Variants in PILRB observed in about 807,000 individuals in gnomAD.
The protein encoded by PILRB is paired immunoglobulin-like type 2 receptor beta.
In PILRB, 21 loss-of-function variants were observed where a neutral mutation model predicts 20.5. The ratio of observed to expected loss-of-function variants is 1.02; its 90% CI spans 0.72 to 1.47. PILRB has a LOEUF of 1.47. Among genes scored for constraint, PILRB ranks in the 40% most tolerant of loss-of-function variants. The pLI is 0.00. For missense variants in PILRB, 253 were observed against 272.1 expected (o/e 0.93, Z 0.49); for synonymous variants, 133 against 115.1 (o/e 1.16, Z -0.99).
intron 1 of PILRB, 119 bp downstream of exon 1, chr7:100,358,485 G>A (rs554864325): frequency 4.6e-6 from 6 of 1,318,034 alleles, no homozygotes; most frequent in East Asian, 4.8e-5. Flanking sequence ...AAACAAGGGC[G>A]GGTCCCATAG....
chr7:100,367,054 C>T (rs79358371), intron 3 of PILRB, among the ~76,000 whole-genome samples: 2,196 of 152,106 alleles, frequency 0.014, 50 homozygotes, highest in African/African-American at 0.05. Context: ...ACTGCTATCA[C>T]CTGGATGCCA....
In PILRB at chr7:100,359,005, T is replaced by G. The variant is rs1290775983; in HGVS notation, c.380T>G (p.Val127Gly). Reference protein sequence around the residue: ...KEDQSVYFCRVELDTRRSGRQ... With the variant: ...KEDQSVYFCRGELDTRRSGRQ... ...GACCAGTCTGTGTATTTCTGCCGAGTCGAGCTGGACACCCGGAGATCAGGG... is the reference window on the plus strand; with the variant it reads ...GACCAGTCTGTGTATTTCTGCCGAGGCGAGCTGGACACCCGGAGATCAGGG... Residue 127 changes from valine to glycine, a missense_variant, in exon 2 of 4, where the codon GTC becomes GGC. By Grantham distance (109) the Val-to-Gly change is moderately radical. Transcript: ENST00000609309. 6.2e-7 allele frequency: 1 copy of G among 1,613,826 alleles called. No individual in the cohort carries two copies. The highest frequency in any genetic ancestry group is 1.3e-5 in the African/African-American group (1 of 74,824).
In PILRB at chr7:100,367,720, T is replaced by A. The variant is rs1222050572; in HGVS notation, c.*343T>A. On this transcript the variant is annotated 3_prime_UTR_variant, in exon 4 of 4. Coordinates refer to ENST00000609309, the MANE Select transcript of PILRB (RefSeq NM_178238.4). Reference sequence around the variant, plus strand: ...CCCAAGGATGGAAAAATACAATTTATTTTGCTTACCATACACCCCTTTTCT... The same window carrying A: ...CCCAAGGATGGAAAAATACAATTTAATTTGCTTACCATACACCCCTTTTCT... 1.0e-5 allele frequency: 3 copies of A among 288,236 alleles called. No homozygotes were observed. Among genetic ancestry groups the A allele is most frequent in the Non-Finnish European group, 2.0e-5 (3 of 152,714 alleles). The allele number at this position is 288,236 out of a possible 1,614,324, so 17.9% of individuals were successfully genotyped here.
chr7:100,365,054 C>T (rs1790637351), intron 3 of PILRB, among the ~76,000 whole-genome samples: 1 of 152,156 alleles, frequency 6.6e-6, no homozygotes, highest in East Asian at 1.9e-4. Context: ...GGCTGGAGTG[C>T]AGCAGTGCAA....
rs1050644759 is a variant in PILRB, at chr7:100,367,750, G to A, written c.*373G>A. 6 of 212,302 alleles carry A rather than the reference G, an allele frequency of 2.8e-5. No homozygotes were observed. Among genetic ancestry groups the A allele is most frequent in the South Asian group, 9.3e-5 (1 of 10,770 alleles). 13.2% of individuals were successfully genotyped at this position (212,302 alleles called of 1,614,324 possible). On this transcript the variant is annotated 3_prime_UTR_variant, in exon 4 of 4. Transcript: ENST00000609309. The stretch of plus-strand genomic sequence containing the variant: ...CTTACCATACACCCCTTTTCTCCTC[G>A]TCCACATTTTCCAATCTGTATGGTG...
chr7:100,358,248 T>C lies in PILRB; in HGVS notation c.-55T>C. 6.2e-7 allele frequency: 1 copy of C among 1,605,316 alleles called. No individual in the cohort carries two copies. Among genetic ancestry groups the C allele is most frequent in the Non-Finnish European group, 8.5e-7 (1 of 1,176,380 alleles). ...TCAGGCAGCCCCTCCACAGGGCCCC[T>C]CTCCTGCCTGGACAGCTCTGCTGGT... On this transcript the variant is annotated 5_prime_UTR_variant, in exon 1 of 4. Coordinates refer to ENST00000609309, the MANE Select transcript of PILRB (RefSeq NM_178238.4).
rs1790731697 is a variant in PILRB, at chr7:100,367,512, G to A, written c.*135G>A. ...ACCCTGAGGACCTTTAAAAGGCAAAGCCGCAAGGCAGAAGGAGGCTGGGTC... is the reference window on the plus strand; with the variant it reads ...ACCCTGAGGACCTTTAAAAGGCAAAACCGCAAGGCAGAAGGAGGCTGGGTC... On this transcript the variant is annotated 3_prime_UTR_variant, in exon 4 of 4. Coordinates refer to ENST00000609309, the MANE Select transcript of PILRB (RefSeq NM_178238.4). 5.8e-6 allele frequency: 4 copies of A among 688,048 alleles called. No individual in the cohort carries two copies. The highest frequency in any genetic ancestry group is 1.1e-5 in the Non-Finnish European group (4 of 367,610). 42.6% of individuals were successfully genotyped at this position (688,048 alleles called of 1,614,324 possible).
At chr7:100,362,237 G>T (rs2130109709) in intron 3 of PILRB, among the ~76,000 whole-genome samples, 1 of 152,238 alleles carries the variant, frequency 6.6e-6, no homozygotes, top group Admixed American at 6.5e-5. Flanking sequence ...CTAAAAGCCA[G>T]ATAAAGACCC....
chr7:100,363,736 G>A (rs1231662426), intron 3 of PILRB, among the ~76,000 whole-genome samples: 2 of 152,146 alleles, frequency 1.3e-5, no homozygotes, highest in African/African-American at 4.8e-5. Context: ...CTTTAGAAAC[G>A]TGAACAGAGA....
intron 3 of PILRB, among the ~76,000 whole-genome samples, chr7:100,366,345 A>C (rs1790684859): frequency 6.6e-6 from 1 of 152,128 alleles, no homozygotes; most frequent in Non-Finnish European, 1.5e-5. Flanking sequence ...ATTAAAAAAC[A>C]AAAAACCTGT....
chr7:100,363,032 A>G (rs1301796328), intron 3 of PILRB, among the ~76,000 whole-genome samples: 1 of 151,034 alleles, frequency 6.6e-6, no homozygotes, highest in Non-Finnish European at 1.5e-5. Context: ...AGTGGCTCAC[A>G]CCTGTAATCC....
chr7:100,363,906 C>T (rs531809073), intron 3 of PILRB, among the ~76,000 whole-genome samples: 6 of 152,008 alleles, frequency 3.9e-5, no homozygotes, highest in Non-Finnish European at 7.4e-5. Context: ...ATTAGGAGTT[C>T]GAGACCAGCC....
At chr7:100,365,302 A>C (rs1400804058) in intron 3 of PILRB, among the ~76,000 whole-genome samples, 1 of 152,126 alleles carries the variant, frequency 6.6e-6, no homozygotes, top group East Asian at 1.9e-4. Flanking sequence ...GCTTGGCCTC[A>C]ACCTTTAAAG....
chr7:100,358,509 C>A, intron 1 of PILRB, 143 bp downstream of exon 1: 1 of 1,256,400 alleles, frequency 8.0e-7, no homozygotes, highest in Non-Finnish European at 1.1e-6. Context: ...TGGGTGCCGC[C>A]ATCTCTTCCC....
At position 100,364,383 on chromosome 7, in the gene PILRB, CAT is replaced by C. The variant is rs563912894; in HGVS notation, c.656-2964_656-2963del. 5.7e-4 allele frequency among the ~76,000 whole-genome samples: 87 copies of C among 152,252 alleles called. 1 individual carries two copies. The South Asian group carries it at 8.7e-3, about 15-fold the overall frequency. Reference sequence around the variant, plus strand: ...GTCTAGAAGAAAATACAGGAGAAAACATAGGGTGATGAGACAAGATGGTGGGT... The same window carrying C: ...GTCTAGAAGAAAATACAGGAGAAAACAGGGTGATGAGACAAGATGGTGGGT... On this transcript the variant is annotated intron_variant, in intron 3 of 3. Transcript: ENST00000609309.
At chr7:100,366,779 C>T (rs1023915439) in intron 3 of PILRB, among the ~76,000 whole-genome samples, 3 of 151,756 alleles carry the variant, frequency 2.0e-5, no homozygotes, top group East Asian at 1.9e-4. Context: ...GATGGGTGGG[C>T]GAGGGCTCAG....
Position 100,359,213 on chromosome 7 carries a change from C to T in PILRB, c.455-124C>T. 7.3e-6 allele frequency: 11 copies of T among 1,499,524 alleles called. No individual in the cohort carries two copies. In the South Asian group the frequency reaches 1.3e-4, roughly 17 times the overall value. The allele number at this position is 1,499,524 out of a possible 1,614,324, so 92.9% of individuals were successfully genotyped here. A position where few individuals can be genotyped will look rare whatever the true frequency, so the allele number is the denominator to read the frequency against. ...TTTCACCTTGCTACCCCTTCCATGT[C>T]TGGGCTTCTGAGAGCAGCTTGCTCA... On this transcript the variant is annotated intron_variant, in intron 2 of 3. Transcript: ENST00000609309.
Position 100,358,252 on chromosome 7 carries a change from C to T in PILRB, c.-51C>T, listed in dbSNP as rs1222455098. ...GCAGCCCCTCCACAGGGCCCCTCTC[C>T]TGCCTGGACAGCTCTGCTGGTCTCC... On this transcript the variant is annotated 5_prime_UTR_variant, in exon 1 of 4. Transcript: ENST00000609309. 6.2e-7 allele frequency: 1 copy of T among 1,608,194 alleles called. No individual in the cohort carries two copies. The highest frequency in any genetic ancestry group is 2.2e-5 in the East Asian group (1 of 44,878).
At chr7:100,360,130 G>A (rs1790485909) in intron 3 of PILRB, among the ~76,000 whole-genome samples, 1 of 152,220 alleles carries the variant, frequency 6.6e-6, no homozygotes, top group African/African-American at 2.4e-5. Flanking sequence ...GAAGGTTCCT[G>A]GGGAGGGGAG....
Sources: allele counts gnomAD v4.1 joint callset (sites outside exome capture counted in the v4.1 genomes callset), GRCh38; gene constraint gnomAD v4.1.1; transcripts MANE v1.5; gene names NCBI Gene and HGNC (gene_info 2026-07-23, HGNC 2026-07-21).